RABGEF1: variants seen among roughly 807,000 people sequenced by gnomAD.
RABGEF1 encodes the protein rab5 GDP/GTP exchange factor.
Under a neutral mutation model 57.3 loss-of-function variants are expected in RABGEF1, and 26 were observed. The ratio of observed to expected loss-of-function variants is 0.45; its 90% CI spans 0.33 to 0.63. The LOEUF is 0.63. Among genes scored for constraint, RABGEF1 ranks in the 20% least tolerant of loss-of-function variants. RABGEF1 has a pLI of 0.02. For synonymous variants in RABGEF1, 185 were observed against 210.7 expected (o/e 0.88, Z 1.06); for missense variants, 464 against 607.6 (o/e 0.76, Z 2.48).
chr7:66,738,681 G>A (rs1039109006), upstream of RABGEF1, among the ~76,000 whole-genome samples: 2 of 145,340 alleles, frequency 1.4e-5, no homozygotes, highest in Non-Finnish European at 1.5e-5. Context: ...GGAGTGCGCC[G>A]AGATTGCACC....
chr7:66,777,180 T>C (rs1433568581), intron 3 of RABGEF1, among the ~76,000 whole-genome samples: 1 of 152,238 alleles, frequency 6.6e-6, no homozygotes, highest in Non-Finnish European at 1.5e-5. Flanking sequence ...CCTATTTAGC[T>C]TAAGGTCTGT....
chr7:66,807,784 T>TC (rs1436564334), intron 8 of RABGEF1: 2 of 152,200 alleles, frequency 1.3e-5, no homozygotes, highest in Non-Finnish European at 2.9e-5. Flanking sequence ...CAGATGGTGT[T>TC]CCGTTCTACT....
intron 4 of RABGEF1, among the ~76,000 whole-genome samples, chr7:66,785,079 G>A (rs145102260): frequency 5.5e-4 from 83 of 152,260 alleles, no homozygotes; most frequent in Non-Finnish European, 9.7e-4. Context: ...TTAGAAAATT[G>A]CTCAACTCAG....
At chr7:66,716,857 C>T (rs1243580315) in intron 2 of RABGEF1, among the ~76,000 whole-genome samples, 1 of 152,228 alleles carries the variant, frequency 6.6e-6, no homozygotes, top group Non-Finnish European at 1.5e-5. Flanking sequence ...CGGTTCACCA[C>T]AAGCTCTGTC....
intron 2 of RABGEF1, among the ~76,000 whole-genome samples, chr7:66,713,183 C>G (rs1274716441): frequency 1.3e-4 from 19 of 151,152 alleles, no homozygotes; most frequent in Non-Finnish European, 2.9e-5. Flanking sequence ...CCTCTGTCGC[C>G]CAGGCTGGAG....
intron 1 of RABGEF1, among the ~76,000 whole-genome samples, chr7:66,693,682 A>AGT (rs890456644): frequency 2.0e-5 from 3 of 152,190 alleles, no homozygotes; most frequent in African/African-American, 7.2e-5. Context: ...CAGGGCTGGG[A>AGT]GTGCAGCCTG....
chr7:66,799,941 C>A (rs1786891209), intron 7 of RABGEF1, among the ~76,000 whole-genome samples: 2 of 152,094 alleles, frequency 1.3e-5, no homozygotes, highest in Non-Finnish European at 2.9e-5. Context: ...TGTGACACTG[C>A]CGTTCTAGAC....
At chr7:66,731,972 G>T (rs981295292) in intron 2 of RABGEF1, among the ~76,000 whole-genome samples, 2 of 152,214 alleles carry the variant, frequency 1.3e-5, no homozygotes, top group African/African-American at 4.8e-5. Context: ...ATGGGGGAAG[G>T]CTGGACGATG....
chr7:66,720,809 T>A (rs1386567015), intron 2 of RABGEF1, among the ~76,000 whole-genome samples: 1 of 152,186 alleles, frequency 6.6e-6, no homozygotes. Context: ...CCAGGAGATA[T>A]GAAATAAGCT....
At chr7:66,688,579 A>G (rs776070039) in intron 1 of RABGEF1, among the ~76,000 whole-genome samples, 5 of 152,248 alleles carry the variant, frequency 3.3e-5, no homozygotes, top group African/African-American at 7.2e-5. Context: ...TATAATCGTC[A>G]TGGAATGAAA....
At chr7:66,686,718 T>C (rs775415386) in intron 1 of RABGEF1, among the ~76,000 whole-genome samples, 1 of 152,128 alleles carries the variant, frequency 6.6e-6, no homozygotes, top group Non-Finnish European at 1.5e-5. Context: ...AACATTATAG[T>C]TTTTGGTGCT....
the RABGEF1 span, among the ~76,000 whole-genome samples, chr7:66,656,266 G>C: frequency 6.6e-6 from 1 of 151,976 alleles, no homozygotes; most frequent in Admixed American, 6.6e-5. Context: ...GCAGATGCGT[G>C]CCACCACACC....
chr7:66,715,488 G>C (rs777914147), intron 2 of RABGEF1, among the ~76,000 whole-genome samples: 2 of 152,032 alleles, frequency 1.3e-5, no homozygotes, highest in Non-Finnish European at 2.9e-5. Context: ...TGGCGGCATC[G>C]TGTAAGTTTT....
chr7:66,682,744 G>A (rs1320669254), intron 1 of RABGEF1, among the ~76,000 whole-genome samples: 1 of 152,222 alleles, frequency 6.6e-6, no homozygotes, highest in African/African-American at 2.4e-5. Flanking sequence ...TCGCCCTGGG[G>A]GGACAGAAGC....
intron 1 of RABGEF1, among the ~76,000 whole-genome samples, chr7:66,702,237 C>G (rs533635693): frequency 6.6e-6 from 1 of 152,162 alleles, no homozygotes; most frequent in African/African-American, 2.4e-5. Context: ...AAATTTCATT[C>G]CTCTTTAGGG....
At chr7:66,768,014 C>A (rs1806178692) in intron 1 of RABGEF1, among the ~76,000 whole-genome samples, 1 of 152,110 alleles carries the variant, frequency 6.6e-6, no homozygotes, top group Admixed American at 6.6e-5. Flanking sequence ...TATTCATTCA[C>A]CCATTGAAGG....
intron 3 of RABGEF1, among the ~76,000 whole-genome samples, chr7:66,777,691 A>G (rs1263640709): frequency 1.3e-5 from 2 of 152,112 alleles, no homozygotes; most frequent in African/African-American, 4.8e-5. Flanking sequence ...TACTTGGAAG[A>G]CTAAGGTAGG....
At chr7:66,691,250 C>G (rs564409057) in intron 1 of RABGEF1, among the ~76,000 whole-genome samples, 13 of 152,256 alleles carry the variant, frequency 8.5e-5, no homozygotes, top group South Asian at 4.1e-4. Context: ...CCATACCGTA[C>G]ATAATTCTAT....
At chr7:66,661,298 C>CAAAA in the RABGEF1 span, among the ~76,000 whole-genome samples, 39,996 of 77,594 alleles carry the variant, frequency 0.52, 11,327 homozygotes, top group African/African-American at 0.63. Flanking sequence ...GACTCCATCT[C>CAAAA]AAAAAAAAAA....
Sources: allele counts gnomAD v4.1 joint callset (sites outside exome capture counted in the v4.1 genomes callset), GRCh38; gene constraint gnomAD v4.1.1; transcripts MANE v1.5; gene names NCBI Gene and HGNC (gene_info 2026-07-23, HGNC 2026-07-21).